Variants in CFAP91 observed in about 807,000 individuals in gnomAD.
CFAP91 encodes the protein cilia and flagella associated protein 91.
CFAP91 carries 85 observed loss-of-function variants against 95.9 expected under a neutral mutation model. The observed-to-expected ratio is 0.89, with a 90% CI of 0.74 to 1.06. The LOEUF is 1.06. Among genes scored for constraint, CFAP91 ranks in the 50% least tolerant of loss-of-function variants. The pLI, the probability that CFAP91 is intolerant of heterozygous loss-of-function variation, is 0.00. For synonymous variants in CFAP91, 335 were observed against 327.5 expected (o/e 1.02, Z -0.25); for missense variants, 962 against 943.4 (o/e 1.02, Z -0.26).
At chr3:119,745,493 T>A (rs2054203185) in intron 14 of CFAP91, among the ~76,000 whole-genome samples, 1 of 152,208 alleles carries the variant, frequency 6.6e-6, no homozygotes, top group Non-Finnish European at 1.5e-5. Flanking sequence ...CTTTTCCTTA[T>A]TCACATACAT....
In CFAP91 at chr3:119,737,502, G is replaced by C; in HGVS notation, c.1461+20G>C. The C allele has an allele frequency of 7.3e-7, 1 of 1,375,402 alleles. No homozygotes were observed. The highest frequency in any genetic ancestry group is 1.2e-5 in the South Asian group (1 of 82,184). 85.2% of individuals were successfully genotyped at this position (1,375,402 alleles called of 1,614,324 possible). On this transcript the variant is annotated intron_variant, in intron 11 of 17. Transcript: ENST00000273390. Reference sequence around the variant, plus strand: ...TCCAATGTAAGTTGGAAACTTTTTAGTTGAAATGCTAAATTCAATATCATT... The same window carrying C: ...TCCAATGTAAGTTGGAAACTTTTTACTTGAAATGCTAAATTCAATATCATT...
At chr3:119,714,498 G>C (rs139831824) in intron 5 of CFAP91, among the ~76,000 whole-genome samples, 2,947 of 152,190 alleles carry the variant, frequency 0.019, 37 homozygotes, top group Middle Eastern at 0.065. Flanking sequence ...ATCAATGCTA[G>C]GTACTTTCAG....
At position 119,707,732 on chromosome 3, in the gene CFAP91, G is replaced by GATATATATATATAT. The variant is rs770594988; in HGVS notation, c.359+175_359+188dup. Among the ~76,000 whole-genome samples, 884 of 142,414 alleles carry GATATATATATATAT rather than the reference G, an allele frequency of 6.2e-3. 8 individuals are homozygous for GATATATATATATAT. Among genetic ancestry groups the GATATATATATATAT allele is most frequent in the African/African-American group, 0.02 (792 of 38,834 alleles). 93.4% of individuals were successfully genotyped at this position (142,414 alleles called of 152,430 possible). The stretch of plus-strand genomic sequence containing the variant: ...ACCTGATTATATATTGTATATATGA[G>GATATATATATATAT]ATATATATATATATATAATTTTGTC... On this transcript the variant is annotated intron_variant, in intron 3 of 17. Coordinates refer to ENST00000273390, the MANE Select transcript of CFAP91 (RefSeq NM_033364.4).
chr3:119,760,085 C>A (rs2054508342), intron 17 of CFAP91, among the ~76,000 whole-genome samples: 1 of 151,706 alleles, frequency 6.6e-6, no homozygotes, highest in Non-Finnish European at 1.5e-5. Flanking sequence ...CATAGAGTGG[C>A]TGAGTGGATA....
At chr3:119,704,049 A>ACCC (rs1188830912) in intron 1 of CFAP91, among the ~76,000 whole-genome samples, 1 of 152,222 alleles carries the variant, frequency 6.6e-6, no homozygotes, top group Non-Finnish European at 1.5e-5. Context: ...TTTGTGTGGG[A>ACCC]ATCTAGGGTA....
chr3:119,754,703 A>G (rs888980621), intron 17 of CFAP91, among the ~76,000 whole-genome samples: 8 of 152,246 alleles, frequency 5.3e-5, no homozygotes, highest in Non-Finnish European at 7.3e-5. Flanking sequence ...TTCAACAGCC[A>G]GGTGGCTTTC....
chr3:119,732,656 G>A (rs1425733867), intron 9 of CFAP91, among the ~76,000 whole-genome samples, 180 bp downstream of exon 9: 1 of 152,108 alleles, frequency 6.6e-6, no homozygotes, highest in African/African-American at 2.4e-5. Flanking sequence ...ACACACTATA[G>A]AACAGTTCAG....
In CFAP91 at chr3:119,703,096, A is replaced by C; in HGVS notation, c.-3A>C. On this transcript the variant is annotated 5_prime_UTR_variant, in exon 1 of 18. Transcript: ENST00000273390. ...TTGCTGGCGGGAGGAAAGAGGCGGC[A>C]CCATGAGCCACGCAGTAACCATCGA... 6.4e-7 allele frequency: 1 copy of C among 1,553,422 alleles called. No homozygotes were observed.
chr3:119,710,595 A>G (rs970075983), intron 5 of CFAP91, among the ~76,000 whole-genome samples: 1 of 152,260 alleles, frequency 6.6e-6, no homozygotes, highest in Admixed American at 6.5e-5. Context: ...TAGCAGTTGT[A>G]GTTTAAAAAA....
chr3:119,703,404 G>A, intron 1 of CFAP91, 182 bp downstream of exon 1: 2 of 881,634 alleles, frequency 2.3e-6, no homozygotes, highest in Non-Finnish European at 3.4e-6. Flanking sequence ...CCGCACTCAG[G>A]TTGGGGTCGG....
At chr3:119,755,612 A>G (rs1160856795) in intron 17 of CFAP91, among the ~76,000 whole-genome samples, 2 of 152,206 alleles carry the variant, frequency 1.3e-5, no homozygotes, top group African/African-American at 4.8e-5. Context: ...CCATGCTGTC[A>G]CCTTGATCTT....
chr3:119,759,916 G>A (rs9815093), intron 17 of CFAP91, among the ~76,000 whole-genome samples: 53,953 of 151,624 alleles, frequency 0.36, 12,633 homozygotes, highest in African/African-American at 0.67. Context: ...AAGGCATGGC[G>A]CTAGAGAAAG....
At chr3:119,721,552 A>T (rs1266258992) in intron 6 of CFAP91, among the ~76,000 whole-genome samples, 1 of 152,220 alleles carries the variant, frequency 6.6e-6, no homozygotes, top group Non-Finnish European at 1.5e-5. Flanking sequence ...CTATGTAATA[A>T]TGATAGGAAG....
chr3:119,732,967 T>C (rs1360501844), intron 9 of CFAP91, among the ~76,000 whole-genome samples: 2 of 152,198 alleles, frequency 1.3e-5, no homozygotes, highest in Non-Finnish European at 2.9e-5. Context: ...AGATCATGAG[T>C]TGCTGGTTAC....
At chr3:119,749,454 G>A (rs114489648) in intron 16 of CFAP91, among the ~76,000 whole-genome samples, 2,414 of 152,160 alleles carry the variant, frequency 0.016, 60 homozygotes, top group African/African-American at 0.055. Flanking sequence ...AGTGCAGGAG[G>A]TGGAGGCTGC....
chr3:119,742,002 G>C (rs577007141), intron 13 of CFAP91, among the ~76,000 whole-genome samples: 88 of 152,282 alleles, frequency 5.8e-4, no homozygotes, highest in African/African-American at 2.0e-3. Flanking sequence ...TCCTGGAAAA[G>C]CTCAGATAAG....
At position 119,766,861 on chromosome 3, in the gene CFAP91, A is replaced by C. The variant is rs2054640215; in HGVS notation, c.*1811A>C. The C allele has an allele frequency of 6.6e-6, 1 of 152,244 alleles. No homozygotes were observed. Among genetic ancestry groups the C allele is most frequent in the African/African-American group, 2.4e-5 (1 of 41,454 alleles). 9.4% of individuals were successfully genotyped at this position (152,244 alleles called of 1,614,324 possible). On this transcript the variant is annotated 3_prime_UTR_variant, in exon 18 of 18. Transcript: ENST00000273390. ...AACTTAAAATATGATATTTTCTTTA[A>C]AAATCTTTATCCTTATGTAGACTTC...
intron 14 of CFAP91, among the ~76,000 whole-genome samples, chr3:119,745,555 C>T (rs2054204454): frequency 6.6e-6 from 1 of 152,196 alleles, no homozygotes; most frequent in African/African-American, 2.4e-5. Context: ...TATACATAAA[C>T]ACACAGGTAC....
At chr3:119,718,064 A>C (rs1262360355) in intron 6 of CFAP91, among the ~76,000 whole-genome samples, 1 of 152,166 alleles carries the variant, frequency 6.6e-6, no homozygotes. Context: ...TTATGAGAGA[A>C]ACCTGCAGCT....
Sources: allele counts gnomAD v4.1 joint callset (sites outside exome capture counted in the v4.1 genomes callset), GRCh38; gene constraint gnomAD v4.1.1; transcripts MANE v1.5; gene names NCBI Gene and HGNC (gene_info 2026-07-23, HGNC 2026-07-21).